Variants in FUT8 observed in about 807,000 individuals in gnomAD.
The protein encoded by FUT8 is alpha-(1,6)-fucosyltransferase.
FUT8 carries 29 observed loss-of-function variants against 71.3 expected under a neutral mutation model. That is an observed-to-expected ratio of 0.41 (90% confidence interval 0.30 to 0.55). The LOEUF is 0.55. Ranked by LOEUF, FUT8 falls within the 20% of genes least tolerant of loss-of-function variation. The pLI is 0.34. For missense variants in FUT8, 544 were observed against 702.1 expected (o/e 0.77, Z 2.55); for synonymous variants, 254 against 239.3 (o/e 1.06, Z -0.57).
At chr14:65,455,560 A>G in intron 1 of FUT8, 61 bp from the exon 2 acceptor site, 2 of 397,678 alleles carry the variant, frequency 5.0e-6, no homozygotes, top group Non-Finnish European at 8.9e-6. Context: ...AAAAAATTAT[A>G]TAATAATGCT....
intron 5 of FUT8, among the ~76,000 whole-genome samples, chr14:65,625,713 G>C (rs770328055): frequency 6.6e-4 from 100 of 152,192 alleles, no homozygotes; most frequent in Non-Finnish European, 1.2e-3. Flanking sequence ...TTGTTCCAAA[G>C]CATCGTTCAA....
chr14:65,549,471 T>G (rs1885164149), intron 2 of FUT8, among the ~76,000 whole-genome samples: 1 of 152,162 alleles, frequency 6.6e-6, no homozygotes. Context: ...TTTATTTGTA[T>G]TTAAAAATAG....
At position 65,550,386 on chromosome 14, in the gene FUT8, T is replaced by C. The variant is rs114328802; in HGVS notation, c.-227-10951T>C. 7.1e-3 allele frequency among the ~76,000 whole-genome samples: 1,086 copies of C among 152,330 alleles called. 12 individuals carry two copies. Among genetic ancestry groups the C allele is most frequent in the African/African-American group, 0.023 (974 of 41,570 alleles). On this transcript the variant is annotated intron_variant, in intron 2 of 10. Transcript: ENST00000673929. This position sits in a 1 kb window ranked among gnomAD's most constrained non-coding sequence, Gnocchi z 4.5. ...ACCTTAAATGTGCCCAGAACACTTA[T>C]ATTAGCCTACAGTTGGACAAAATCA...
intron 7 of FUT8, among the ~76,000 whole-genome samples, chr14:65,691,066 T>C (rs1893557977): frequency 6.6e-6 from 1 of 151,094 alleles, no homozygotes. Context: ...CCTACAACCT[T>C]GATATAGTTA....
intron 5 of FUT8, chr14:65,617,131 G>C: frequency 6.3e-7 from 1 of 1,595,744 alleles, no homozygotes; most frequent in South Asian, 1.1e-5. Flanking sequence ...AACAATAAAA[G>C]AAAAATTGTT....
rs71446303 is a variant in FUT8 at position 65,508,067 on chromosome 14, CTT to C, written c.-228+52366_-228+52367del. 7.4e-4 allele frequency among the ~76,000 whole-genome samples: 93 copies of C among 125,964 alleles called. No homozygotes were observed. The East Asian group carries it at 7.8e-3, about 11-fold the overall frequency. The allele number at this position is 125,964 out of a possible 152,430, so 82.6% of individuals were successfully genotyped here. On this transcript the variant is annotated intron_variant, in intron 2 of 10. Coordinates refer to ENST00000673929, the MANE Select transcript of FUT8 (RefSeq NM_001371533.1). Reference sequence around the variant, plus strand: ...CTCTGATGATCAGTGATGTTAAACACTTTTTTTTTTTTTTTTTTGAGATGGAG... The same window carrying C: ...CTCTGATGATCAGTGATGTTAAACACTTTTTTTTTTTTTTTTGAGATGGAG...
chr14:65,616,658 C>T (rs1307913619), intron 5 of FUT8, among the ~76,000 whole-genome samples: 3 of 152,158 alleles, frequency 2.0e-5, no homozygotes, highest in Admixed American at 6.5e-5. Context: ...ATTAAAATAT[C>T]TTTCTATAAA....
chr14:65,497,282 G>A (rs2066574230), intron 2 of FUT8, among the ~76,000 whole-genome samples: 1 of 152,174 alleles, frequency 6.6e-6, no homozygotes, highest in Non-Finnish European at 1.5e-5. Flanking sequence ...TTGTTTGGAA[G>A]TTGACAGTGG....
At chr14:65,606,336 C>T (rs1032586296) in intron 3 of FUT8, among the ~76,000 whole-genome samples, 24 of 151,628 alleles carry the variant, frequency 1.6e-4, no homozygotes, top group Admixed American at 4.6e-4. Context: ...CTCAGCCTCC[C>T]GAAGTGCTGG....
At chr14:65,510,259 G>C (rs1459971219) in intron 2 of FUT8, among the ~76,000 whole-genome samples, 1 of 151,970 alleles carries the variant, frequency 6.6e-6, no homozygotes, top group Non-Finnish European at 1.5e-5. Flanking sequence ...GAACCATTCT[G>C]GTGTCCCAGG....
chr14:65,711,733 A>G (rs1894819797), intron 7 of FUT8, among the ~76,000 whole-genome samples: 1 of 152,064 alleles, frequency 6.6e-6, no homozygotes, highest in South Asian at 2.1e-4. Flanking sequence ...TGCAGTACTG[A>G]TGGTGAATTA....
At chr14:65,670,272 G>A (rs1208918175) in intron 7 of FUT8, among the ~76,000 whole-genome samples, 1 of 151,984 alleles carries the variant, frequency 6.6e-6, no homozygotes, top group African/African-American at 2.4e-5. Context: ...TTAAAATTGT[G>A]GCTTTATTGT....
At chr14:65,708,253 T>C (rs980313493) in intron 7 of FUT8, among the ~76,000 whole-genome samples, 5 of 152,204 alleles carry the variant, frequency 3.3e-5, no homozygotes, top group African/African-American at 1.2e-4. Flanking sequence ...TTGGCACTTC[T>C]CCTTCCTGCT....
At chr14:65,690,086 G>C (rs1022713779) in intron 7 of FUT8, among the ~76,000 whole-genome samples, 1 of 152,104 alleles carries the variant, frequency 6.6e-6, no homozygotes, top group Non-Finnish European at 1.5e-5. Context: ...TTGTTTGTTT[G>C]TTGTTTTTGC....
chr14:65,525,632 T>C (rs1227276490), intron 2 of FUT8, among the ~76,000 whole-genome samples: 4 of 152,250 alleles, frequency 2.6e-5, no homozygotes, highest in Non-Finnish European at 4.4e-5. Context: ...CTTGCTTCTC[T>C]AGTTCTTTTA....
intron 2 of FUT8, among the ~76,000 whole-genome samples, chr14:65,531,972 T>C (rs879644371): frequency 1.3e-5 from 2 of 152,190 alleles, no homozygotes; most frequent in Non-Finnish European, 2.9e-5. Flanking sequence ...TATGACTGCA[T>C]AGTGTTCTGT....
intron 3 of FUT8, among the ~76,000 whole-genome samples, chr14:65,600,124 C>T (rs2140166888): frequency 6.6e-6 from 1 of 152,230 alleles, no homozygotes; most frequent in Non-Finnish European, 1.5e-5. Flanking sequence ...TGTCTAAATT[C>T]CCCACAACAA....
intron 6 of FUT8, among the ~76,000 whole-genome samples, chr14:65,656,634 C>G (rs1891694316): frequency 6.6e-6 from 1 of 152,078 alleles, no homozygotes; most frequent in Admixed American, 6.6e-5. Flanking sequence ...AAAAAAGAAT[C>G]TAAAACTTAC....
intron 6 of FUT8, among the ~76,000 whole-genome samples, chr14:65,632,990 TCTCCCCTCTCCCCTC>T (rs1890271895): frequency 7.8e-6 from 1 of 128,720 alleles, no homozygotes; most frequent in Admixed American, 7.7e-5. Flanking sequence ...TGCTCTCCCC[TCTCCCCTCTCCCCTC>T]CCCCCCCCCG....
Sources: gnomAD v4.1 joint callset for allele counts (sites outside exome capture counted in the v4.1 genomes callset) on GRCh38, gnomAD v4.1.1 for gene constraint, Gnocchi (gnomAD v3.1) non-coding constraint, MANE v1.5 for transcripts, NCBI Gene and HGNC (gene_info 2026-07-23, HGNC 2026-07-21) for gene names.